The following CA8 variants were observed in gnomAD, a reference collection of about 807,000 sequenced individuals.
The protein encoded by CA8 is carbonic anhydrase 8 (inactive), also known as carbonic anhydrase-related protein.
Under a neutral mutation model 41.4 loss-of-function variants are expected in CA8, and 22 were observed. The observed-to-expected ratio is 0.53, with a 90% confidence interval of 0.38 to 0.76. The LOEUF is 0.76. Among genes scored for constraint, CA8 ranks in the 30% least tolerant of loss-of-function variants. The probability of loss-of-function intolerance (pLI) is 0.00; values close to 1 mark genes in which losing one functional copy is unlikely to be tolerated. For missense variants in CA8, 270 were observed against 352.8 expected, an observed-to-expected ratio of 0.77 and a Z score of 1.88; for synonymous variants, 121 against 130.6, an observed-to-expected ratio of 0.93 and a Z score of 0.50.
At chr8:60,237,633 C>G (rs992270185) in intron 3 of CA8, among the ~76,000 whole-genome samples, 1 of 152,196 alleles carries the variant, frequency 6.6e-6, no homozygotes, top group African/African-American at 2.4e-5. Flanking sequence ...CAGCAGGTGG[C>G]TGAGGGGCTG....
At chr8:60,278,469 T>C (rs939561940) in intron 2 of CA8, among the ~76,000 whole-genome samples, 1 of 152,224 alleles carries the variant, frequency 6.6e-6, no homozygotes, top group East Asian at 1.9e-4. Flanking sequence ...CACATGTACT[T>C]CTTTAAATTG....
chr8:60,210,858 C>T (rs574759316), intron 7 of CA8, among the ~76,000 whole-genome samples: 2 of 152,130 alleles, frequency 1.3e-5, no homozygotes, highest in African/African-American at 2.4e-5. Flanking sequence ...AATGAAAATA[C>T]GAGTAGCATC....
At chr8:60,252,336 G>A (rs1441628179) in intron 3 of CA8, among the ~76,000 whole-genome samples, 1 of 152,128 alleles carries the variant, frequency 6.6e-6, no homozygotes, top group African/African-American at 2.4e-5. Flanking sequence ...GTGTTGCCTC[G>A]GAAACTCAGG....
chr8:60,271,523 G>T (rs1236227011), intron 2 of CA8, among the ~76,000 whole-genome samples: 1 of 152,036 alleles, frequency 6.6e-6, no homozygotes, highest in South Asian at 2.1e-4. Flanking sequence ...TGCCATGTTT[G>T]GGGGGGAAAA....
intron 4 of CA8, among the ~76,000 whole-genome samples, chr8:60,229,545 G>A (rs1807568485): frequency 6.6e-6 from 1 of 152,162 alleles, no homozygotes; most frequent in South Asian, 2.1e-4. Context: ...TCAGCATTCA[G>A]GGGGTGACCC....
rs973394050 is a variant in CA8 at position 60,268,741 on chromosome 8, C to A, written c.293-2692G>T. Among the ~76,000 whole-genome samples the A allele has an allele frequency of 2.0e-5, 3 of 152,122 alleles. No homozygotes were observed. In the East Asian group the frequency reaches 5.8e-4, roughly 29 times the overall value. ...GACAAAACAGACAAAATTCCCTGGC[C>A]TTGTAGATCTTACATTCTATTATCC... On this transcript the variant is annotated intron_variant, in intron 2 of 8. Transcript: ENST00000317995.
At chr8:60,196,459 A>C (rs1274613466) in intron 8 of CA8, among the ~76,000 whole-genome samples, 1 of 152,114 alleles carries the variant, frequency 6.6e-6, no homozygotes, top group Non-Finnish European at 1.5e-5. Flanking sequence ...GTTCCCCAAA[A>C]AGCCATACTC....
intron 2 of CA8, among the ~76,000 whole-genome samples, chr8:60,278,086 T>C (rs1321162549): frequency 6.6e-6 from 1 of 151,324 alleles, no homozygotes; most frequent in African/African-American, 2.4e-5. Flanking sequence ...TGTTGGTCCA[T>C]AGTCTCTGTT....
intron 7 of CA8, among the ~76,000 whole-genome samples, chr8:60,209,302 G>A (rs564586419): frequency 1.8e-4 from 27 of 152,248 alleles, no homozygotes; most frequent in African/African-American, 5.5e-4. Context: ...TGATCAACAC[G>A]GTGAAACCCT....
intron 8 of CA8, among the ~76,000 whole-genome samples, chr8:60,192,683 C>T (rs917850210): frequency 2.6e-5 from 4 of 151,972 alleles, no homozygotes; most frequent in Non-Finnish European, 4.4e-5. Context: ...GTAGCAATTG[C>T]TAATATTATT....
chr8:60,245,722 T>C (rs889844086), intron 3 of CA8, among the ~76,000 whole-genome samples: 3 of 152,182 alleles, frequency 2.0e-5, no homozygotes, highest in Admixed American at 6.5e-5. Flanking sequence ...TTTTCTTTGA[T>C]TGAGGTGGAA....
intron 3 of CA8, among the ~76,000 whole-genome samples, chr8:60,254,876 T>C (rs1424570428): frequency 6.6e-6 from 1 of 152,220 alleles, no homozygotes; most frequent in African/African-American, 2.4e-5. Context: ...AAAACTATGT[T>C]ACTCTTAGAT....
At chr8:60,271,150 C>G (rs1336752226) in intron 2 of CA8, among the ~76,000 whole-genome samples, 1 of 152,112 alleles carries the variant, frequency 6.6e-6, no homozygotes, top group Non-Finnish European at 1.5e-5. Context: ...CATGACCAGC[C>G]TGGGTAACAT....
chr8:60,235,608 G>C (rs999333825), intron 3 of CA8, among the ~76,000 whole-genome samples: 4 of 152,032 alleles, frequency 2.6e-5, no homozygotes, highest in African/African-American at 9.7e-5. Flanking sequence ...TTATCATATT[G>C]TGCCTTATAT....
chr8:60,255,268 G>A (rs778272967), intron 3 of CA8, among the ~76,000 whole-genome samples: 10 of 31,012 alleles, frequency 3.2e-4, no homozygotes, highest in African/African-American at 1.0e-3. Flanking sequence ...TACCTTTCCC[G>A]CCCCCGCCTA....
At chr8:60,204,842 A>G (rs1806531413) in intron 8 of CA8, among the ~76,000 whole-genome samples, 1 of 152,216 alleles carries the variant, frequency 6.6e-6, no homozygotes, top group Non-Finnish European at 1.5e-5. Flanking sequence ...GAAGGATAAT[A>G]GCTTTCACCT....
intron 2 of CA8, among the ~76,000 whole-genome samples, chr8:60,275,449 T>C (rs1359932237): frequency 2.0e-5 from 3 of 150,904 alleles, no homozygotes; most frequent in Admixed American, 6.6e-5. Flanking sequence ...AAATAAATAC[T>C]GGATGTTGTA....
chr8:60,269,130 A>G (rs1399499775), intron 2 of CA8, among the ~76,000 whole-genome samples: 1 of 152,242 alleles, frequency 6.6e-6, no homozygotes, highest in East Asian at 1.9e-4. Flanking sequence ...TTACCTGTTC[A>G]TCCCCCAAGA....
rs148527331 is a variant in CA8, at chr8:60,193,173, T to C, written c.*36-3188A>G. Among the ~76,000 whole-genome samples, 636 of 152,278 alleles carry C rather than the reference T, an allele frequency of 4.2e-3. 8 individuals carry two copies. Among genetic ancestry groups the C allele is most frequent in the African/African-American group, 0.014 (591 of 41,560 alleles). On this transcript the variant is annotated intron_variant, in intron 8 of 8. Coordinates refer to ENST00000317995, the MANE Select transcript of CA8 (RefSeq NM_004056.6). ...TCTGGAGTGATAAATACCTTGGGTT[T>C]TTCCACCTAAGTGTTCTACGTGCTC...
Sources: gnomAD v4.1 joint callset for allele counts (sites outside exome capture counted in the v4.1 genomes callset) on GRCh38, gnomAD v4.1.1 for gene constraint, MANE v1.5 for transcripts, NCBI Gene and HGNC (gene_info 2026-07-23, HGNC 2026-07-21) for gene names.